Variants in ARHGAP26 observed in about 807,000 individuals in gnomAD.
ARHGAP26 encodes the protein rho GTPase-activating protein 26.
In ARHGAP26, 38 loss-of-function variants were observed where a neutral mutation model predicts 104.8. The ratio of observed to expected loss-of-function variants is 0.36; its 90% CI spans 0.28 to 0.48. ARHGAP26 has a LOEUF of 0.48. Among genes scored for constraint, ARHGAP26 ranks in the 20% least tolerant of loss-of-function variants. ARHGAP26 has a pLI of 0.99. For missense variants in ARHGAP26, 704 were observed against 947.9 expected (o/e 0.74, Z 3.38); for synonymous variants, 341 against 340.0 (o/e 1.00, Z -0.03).
intron 14 of ARHGAP26, among the ~76,000 whole-genome samples, chr5:143,045,943 G>T (rs900543423): frequency 2.0e-5 from 3 of 152,108 alleles, no homozygotes; most frequent in Admixed American, 6.5e-5. Flanking sequence ...GACCAGCCTC[G>T]CCAAATAGTG....
intron 7 of ARHGAP26, among the ~76,000 whole-genome samples, chr5:142,902,644 T>C (rs1346974449): frequency 5.9e-5 from 9 of 152,240 alleles, no homozygotes; most frequent in African/African-American, 1.9e-4. Flanking sequence ...TTGGACCATG[T>C]TATTCTTCTT....
At chr5:143,208,009 A>G (rs1036650254) in intron 21 of ARHGAP26, among the ~76,000 whole-genome samples, 1 of 152,082 alleles carries the variant, frequency 6.6e-6, no homozygotes, top group Non-Finnish European at 1.5e-5. Context: ...GAAACCATCC[A>G]TGCTCCCAGC....
At chr5:143,077,403 C>T (rs1299256714) in intron 17 of ARHGAP26, among the ~76,000 whole-genome samples, 1 of 152,174 alleles carries the variant, frequency 6.6e-6, no homozygotes, top group Non-Finnish European at 1.5e-5. Flanking sequence ...TTGAACCACC[C>T]AGAGAGATCT....
rs1761210546 is a variant in ARHGAP26, at chr5:142,907,110, G to C, written c.833-594G>C. On this transcript the variant is annotated intron_variant, in intron 8 of 22. Coordinates refer to ENST00000645722, the MANE Select transcript of ARHGAP26 (RefSeq NM_001135608.3). Reference sequence around the variant, plus strand: ...GACATAGTCCTTAGAGGTTACATGTGGGCATTGACAGTCACTTCCACTCTG... The same window carrying C: ...GACATAGTCCTTAGAGGTTACATGTCGGCATTGACAGTCACTTCCACTCTG... 1.3e-5 allele frequency among the ~76,000 whole-genome samples: 2 copies of C among 152,140 alleles called. 1 individual carries two copies. The highest frequency in any genetic ancestry group is 1.3e-4 in the Admixed American group (2 of 15,282).
At chr5:142,916,632 A>C (rs10059193) in intron 10 of ARHGAP26, among the ~76,000 whole-genome samples, 18,268 of 152,182 alleles carry the variant, frequency 0.12, 2,106 homozygotes, top group African/African-American at 0.3. Flanking sequence ...CAAAACAAAA[A>C]AAAATTCAGG....
intron 20 of ARHGAP26, among the ~76,000 whole-genome samples, chr5:143,163,464 T>TG (rs70991797): frequency 2.4e-4 from 36 of 150,942 alleles, no homozygotes; most frequent in Admixed American, 8.5e-4. Context: ...TTTGTTTGTT[T>TG]TTTTAAGATG....
intron 1 of ARHGAP26, among the ~76,000 whole-genome samples, chr5:142,833,207 C>A (rs1452494990): frequency 6.6e-6 from 1 of 151,106 alleles, no homozygotes; most frequent in Non-Finnish European, 1.5e-5. Context: ...GCACCCACCA[C>A]CACACCCGGC....
chr5:143,216,449 G>A (rs757771730), intron 22 of ARHGAP26: 4 of 362,368 alleles, frequency 1.1e-5, no homozygotes, highest in Admixed American at 1.1e-4. Flanking sequence ...CTGACCTCAC[G>A]CCCTCACTTG....
At chr5:143,152,388 A>C (rs572451019) in intron 20 of ARHGAP26, among the ~76,000 whole-genome samples, 7 of 152,350 alleles carry the variant, frequency 4.6e-5, no homozygotes, top group Admixed American at 4.6e-4. Context: ...CTGCTCTAAA[A>C]AATAGAGTCT....
chr5:143,085,158 T>C (rs754973732), intron 17 of ARHGAP26, among the ~76,000 whole-genome samples: 17 of 152,120 alleles, frequency 1.1e-4, no homozygotes, highest in Non-Finnish European at 2.1e-4. Context: ...TTGATTCGCT[T>C]GTTTTTCTTC....
chr5:143,042,915 A>G (rs1783688272), intron 14 of ARHGAP26, among the ~76,000 whole-genome samples: 1 of 152,218 alleles, frequency 6.6e-6, no homozygotes, highest in Admixed American at 6.5e-5. Flanking sequence ...GAGGTACTCT[A>G]GCAACGAGTA....
intron 17 of ARHGAP26, among the ~76,000 whole-genome samples, chr5:143,071,900 A>C (rs1269034503): frequency 6.6e-6 from 1 of 152,158 alleles, no homozygotes; most frequent in East Asian, 1.9e-4. Context: ...ACGAGACTCC[A>C]TCTCAAAAAA....
At chr5:143,097,830 A>AAG (rs1407881566) in intron 17 of ARHGAP26, among the ~76,000 whole-genome samples, 2 of 151,430 alleles carry the variant, frequency 1.3e-5, no homozygotes, top group Non-Finnish European at 2.9e-5. Flanking sequence ...TCAAAAAAAA[A>AAG]AAAAAAAGAA....
intron 22 of ARHGAP26, among the ~76,000 whole-genome samples, chr5:143,217,399 C>T (rs1412996026): frequency 1.3e-5 from 2 of 152,156 alleles, no homozygotes; most frequent in African/African-American, 2.4e-5. Context: ...TCCATTTCAA[C>T]AAGAGCACCT....
chr5:143,035,123 G>A (rs1053361175), intron 12 of ARHGAP26, among the ~76,000 whole-genome samples: 5 of 152,150 alleles, frequency 3.3e-5, no homozygotes, highest in African/African-American at 1.2e-4. Context: ...GCATCACTAA[G>A]CAATAAGTAT....
At chr5:142,818,405 G>A (rs1419900969) in intron 1 of ARHGAP26, among the ~76,000 whole-genome samples, 1 of 152,118 alleles carries the variant, frequency 6.6e-6, no homozygotes, top group South Asian at 2.1e-4. Flanking sequence ...TGCTGGCTGG[G>A]GTCAGGGACT....
chr5:142,928,009 T>C (rs1201285346), intron 10 of ARHGAP26, among the ~76,000 whole-genome samples: 1 of 152,232 alleles, frequency 6.6e-6, no homozygotes, highest in Non-Finnish European at 1.5e-5. Flanking sequence ...TGGTTCATTT[T>C]TTCTTACTCA....
chr5:142,875,333 A>C (rs73286481), intron 3 of ARHGAP26, among the ~76,000 whole-genome samples, 162 bp downstream of exon 3: 1,861 of 152,348 alleles, frequency 0.012, 44 homozygotes, highest in African/African-American at 0.042. Flanking sequence ...GCTTTTGTAA[A>C]TATTAAAGGA....
intron 11 of ARHGAP26, among the ~76,000 whole-genome samples, chr5:142,971,630 C>T (rs1772289273): frequency 6.6e-6 from 1 of 152,104 alleles, no homozygotes; most frequent in South Asian, 2.1e-4. Flanking sequence ...CTTTTGAGTA[C>T]TTACTGTATA....
Sources: allele counts gnomAD v4.1 joint callset (sites outside exome capture counted in the v4.1 genomes callset), GRCh38; gene constraint gnomAD v4.1.1; transcripts MANE v1.5; gene names NCBI Gene and HGNC (gene_info 2026-07-23, HGNC 2026-07-21).